The following SLC28A3 variants were observed in gnomAD, a reference collection of about 807,000 sequenced individuals.
SLC28A3 encodes the protein solute carrier family 28 member 3, also known as concentrative Na(+)-nucleoside cotransporter 3.
Under a neutral mutation model 84.2 loss-of-function variants are expected in SLC28A3, and 68 were observed. That is an observed-to-expected ratio of 0.81 (90% CI 0.66 to 0.99). The LOEUF is 0.99. SLC28A3 is among the 50% of genes least tolerant of loss of function. The probability of loss-of-function intolerance (pLI) is 0.00; values close to 1 mark genes in which losing one functional copy is unlikely to be tolerated. For synonymous variants in SLC28A3, 267 were observed against 303.6 expected (o/e 0.88, Z 1.25); for missense variants, 712 against 841.5 (o/e 0.85, Z 1.90).
intron 6 of SLC28A3, among the ~76,000 whole-genome samples, chr9:84,298,992 G>T (rs1825523247): frequency 6.6e-6 from 1 of 152,130 alleles, no homozygotes; most frequent in Non-Finnish European, 1.5e-5. Context: ...AGTTGAACTT[G>T]GTCTCTGATT....
chr9:84,286,319 GTC>G (rs2118108209), intron 12 of SLC28A3, among the ~76,000 whole-genome samples: 1 of 152,130 alleles, frequency 6.6e-6, no homozygotes, highest in Admixed American at 6.5e-5. Flanking sequence ...AAGAGATAGG[GTC>G]TTGTTCTGTG....
intron 1 of SLC28A3, among the ~76,000 whole-genome samples, chr9:84,315,093 C>T (rs942684216): frequency 3.9e-5 from 6 of 152,098 alleles, no homozygotes; most frequent in Non-Finnish European, 5.9e-5. Flanking sequence ...AACAAACAAA[C>T]AAACAGCATG....
chr9:84,285,618 T>G, intron 13 of SLC28A3, 76 bp from the exon 14 acceptor site: 1 of 1,450,294 alleles, frequency 6.9e-7, no homozygotes, highest in Non-Finnish European at 9.7e-7. Flanking sequence ...GACAACACTG[T>G]TCCTGACCCC....
At chr9:84,327,361 G>GAAAA (rs11404370) in intron 1 of SLC28A3, among the ~76,000 whole-genome samples, 1 of 127,662 alleles carries the variant, frequency 7.8e-6, no homozygotes, top group Non-Finnish European at 1.7e-5. Context: ...TCAGAACACC[G>GAAAA]AAAAAAAAAA....
Position 84,285,423 on chromosome 9 carries a change from A to T in SLC28A3, c.1569T>A (p.Tyr523Ter). 1 of 1,614,212 alleles carries T rather than the reference A, an allele frequency of 6.2e-7. No homozygotes were observed. The highest frequency in any genetic ancestry group is 2.2e-5 in the East Asian group (1 of 44,882). The change falls in exon 14 of 18, where the codon TAT becomes TAA. Residue 523 changes from tyrosine to a stop codon, truncating the protein, a stop_gained. Coordinates refer to ENST00000376238, the MANE Select transcript of SLC28A3 (RefSeq NM_001199633.2). LOFTEE classifies it high-confidence loss of function. ...YKTFFNEFVA[Y>*]EHLSKWIHLR... ...AGTGGATCCATTTTGAGAGGTGCTC[A>T]TAAGCCACAAATTCATTGAAGAAGG... is the stretch of plus-strand genomic sequence containing the variant.
chr9:84,307,570 A>G, intron 3 of SLC28A3, among the ~76,000 whole-genome samples: 1 of 152,346 alleles, frequency 6.6e-6, no homozygotes, highest in South Asian at 2.1e-4. Context: ...GAATATGTAT[A>G]CTGAGAGTTA....
chr9:84,360,498 C>G, the SLC28A3 span, among the ~76,000 whole-genome samples: 3 of 151,594 alleles, frequency 2.0e-5, no homozygotes, highest in Non-Finnish European at 4.4e-5. Context: ...AATTAGAAGC[C>G]AAGCAGGAGA....
At chr9:84,305,382 C>T in intron 3 of SLC28A3, 37 bp from the exon 4 acceptor site, 5 of 1,544,214 alleles carry the variant, frequency 3.2e-6, no homozygotes, top group Non-Finnish European at 4.5e-6. Context: ...GAGAAGTAAA[C>T]ACCAAAAACA....
chr9:84,356,517 C>T, the SLC28A3 span, among the ~76,000 whole-genome samples: 253 of 152,208 alleles, frequency 1.7e-3, 4 homozygotes, highest in African/African-American at 5.8e-3. Context: ...AGACAATACA[C>T]CAATCCTATT....
intron 1 of SLC28A3, among the ~76,000 whole-genome samples, chr9:84,320,515 A>G (rs1337920205): frequency 6.6e-6 from 1 of 151,864 alleles, no homozygotes; most frequent in Non-Finnish European, 1.5e-5. Context: ...TCCTCCTTCT[A>G]CTTAAACTGT....
chr9:84,289,608 G>T, intron 11 of SLC28A3, among the ~76,000 whole-genome samples: 1 of 152,334 alleles, frequency 6.6e-6, no homozygotes, highest in Non-Finnish European at 1.5e-5. Flanking sequence ...TGATTCTAAC[G>T]TGCAGAAAGG....
chr9:84,301,291 A>T (rs1775091710), intron 5 of SLC28A3, among the ~76,000 whole-genome samples: 1 of 143,214 alleles, frequency 7.0e-6, no homozygotes, highest in Non-Finnish European at 1.5e-5. Context: ...CGGAGGTTGC[A>T]GTGAGCCAAG....
chr9:84,364,691 G>A, the SLC28A3 span, among the ~76,000 whole-genome samples: 1 of 151,828 alleles, frequency 6.6e-6, no homozygotes, highest in Non-Finnish European at 1.5e-5. Context: ...CCAGCCTCTG[G>A]TCACCATGCT....
At chr9:84,286,206 A>C (rs749239792) in intron 12 of SLC28A3, 95 bp from the exon 13 acceptor site, 21 of 1,247,646 alleles carry the variant, frequency 1.7e-5, no homozygotes, top group Non-Finnish European at 2.3e-5. Flanking sequence ...CTTAGATAAG[A>C]GACAAACTCT....
Position 84,278,050 on chromosome 9 carries a change from A to G in SLC28A3, c.*168T>C. ...TGGTGGGGAGGGAGGGGAGGAGGAA[A>G]ATGTTGTAGCTTTGAAGGTCCACTC... On this transcript the variant is annotated 3_prime_UTR_variant, in exon 18 of 18. Coordinates refer to ENST00000376238, the MANE Select transcript of SLC28A3 (RefSeq NM_001199633.2). The G allele has an allele frequency of 1.1e-6, 1 of 879,466 alleles. No individual in the cohort carries two copies. Among genetic ancestry groups the G allele is most frequent in the South Asian group, 2.2e-5 (1 of 45,666 alleles). 54.5% of individuals were successfully genotyped at this position (879,466 alleles called of 1,614,324 possible).
At chr9:84,315,298 T>G (rs1826132397) in intron 1 of SLC28A3, among the ~76,000 whole-genome samples, 1 of 152,184 alleles carries the variant, frequency 6.6e-6, no homozygotes, top group African/African-American at 2.4e-5. Flanking sequence ...GAGGGGCTAG[T>G]CCTTAGGGTC....
At chr9:84,284,889 T>A (rs1276449920) in intron 14 of SLC28A3, among the ~76,000 whole-genome samples, 1 of 152,204 alleles carries the variant, frequency 6.6e-6, no homozygotes, top group Non-Finnish European at 1.5e-5. Flanking sequence ...TTGGACAGTT[T>A]CTCAGAGCTC....
intron 1 of SLC28A3, among the ~76,000 whole-genome samples, chr9:84,326,475 C>G (rs1826552709): frequency 6.6e-6 from 1 of 152,174 alleles, no homozygotes; most frequent in Non-Finnish European, 1.5e-5. Context: ...CTGAAACCTC[C>G]CTGCAGCCTA....
At chr9:84,349,714 C>T in the SLC28A3 span, among the ~76,000 whole-genome samples, 1 of 152,244 alleles carries the variant, frequency 6.6e-6, no homozygotes, top group Admixed American at 6.5e-5. Flanking sequence ...AGTATGTTAC[C>T]ATTACATGTG....
Sources: allele counts gnomAD v4.1 joint callset (sites outside exome capture counted in the v4.1 genomes callset), GRCh38; gene constraint gnomAD v4.1.1; transcripts MANE v1.5; gene names NCBI Gene and HGNC (gene_info 2026-07-23, HGNC 2026-07-21).